Variants in NRXN3 observed in about 807,000 individuals in gnomAD.
NRXN3 encodes the protein neurexin 3, also known as neurexin III.
In NRXN3, 32 loss-of-function variants were observed where a neutral mutation model predicts 137.6. The ratio of observed to expected loss-of-function variants is 0.23; its 90% confidence interval spans 0.18 to 0.31. The LOEUF (loss-of-function observed/expected upper bound fraction) is 0.31, where lower values mean the gene tolerates loss of function less well. Ranked by LOEUF, NRXN3 falls within the 10% of genes least tolerant of loss-of-function variation. The pLI, the probability that NRXN3 is intolerant of heterozygous loss-of-function variation, is 1.00. For synonymous variants in NRXN3, 798 were observed against 784.5 expected (o/e 1.02, Z -0.29); for missense variants, 1,574 against 2,062.5 (o/e 0.76, Z 4.59).
intron 14 of NRXN3, among the ~76,000 whole-genome samples, chr14:78,975,360 G>C (rs933727704): frequency 2.0e-5 from 3 of 152,164 alleles, no homozygotes; most frequent in Non-Finnish European, 4.4e-5. Context: ...AACGATGGAA[G>C]CACATTCGAG....
intron 4 of NRXN3, among the ~76,000 whole-genome samples, chr14:78,625,143 G>T (rs541475470): frequency 1.3e-5 from 2 of 152,256 alleles, no homozygotes; most frequent in African/African-American, 2.4e-5. Flanking sequence ...CCTGGTCCCT[G>T]TTCCTTATCT....
chr14:79,459,487 T>G (rs2096299240), intron 15 of NRXN3, among the ~76,000 whole-genome samples: 1 of 151,976 alleles, frequency 6.6e-6, no homozygotes, highest in Non-Finnish European at 1.5e-5. Flanking sequence ...GAGAAGATGA[T>G]TGTCTACAAG....
At chr14:78,416,726 G>T (rs980682308) in intron 4 of NRXN3, among the ~76,000 whole-genome samples, 5 of 152,212 alleles carry the variant, frequency 3.3e-5, no homozygotes, top group African/African-American at 1.2e-4. Context: ...CATGGATCCA[G>T]GTGGGCACTG....
intron 15 of NRXN3, among the ~76,000 whole-genome samples, chr14:79,091,424 A>G (rs1342408630): frequency 6.6e-6 from 1 of 152,164 alleles, no homozygotes; most frequent in Non-Finnish European, 1.5e-5. Context: ...TAGAAGTTGC[A>G]TCTGGCTCAG....
intron 15 of NRXN3, among the ~76,000 whole-genome samples, chr14:79,232,750 G>A (rs1030920156): frequency 1.3e-5 from 2 of 152,102 alleles, no homozygotes; most frequent in African/African-American, 4.8e-5. Context: ...GATTACCCGC[G>A]ATGGTCAGGA....
At chr14:78,467,550 A>T (rs1396705505) in intron 4 of NRXN3, among the ~76,000 whole-genome samples, 1 of 152,210 alleles carries the variant, frequency 6.6e-6, no homozygotes, top group African/African-American at 2.4e-5. Context: ...ATGTTGACTC[A>T]GTCTTTCCCC....
chr14:78,400,842 CT>C lies in NRXN3; in HGVS notation c.757+102983del, dbSNP rs2091977502. 3.3e-5 allele frequency among the ~76,000 whole-genome samples: 5 copies of C among 152,204 alleles called. No individual in the cohort carries two copies. In the South Asian group the frequency reaches 8.3e-4, roughly 25 times the overall value. ...TTAATCCTCACCATTTCCCATTCTC[CT>C]CTGCACCCTCCCCCAATTTTTATGA... On this transcript the variant is annotated intron_variant, in intron 4 of 20. Coordinates refer to ENST00000335750, the MANE Select transcript of NRXN3 (RefSeq NM_001330195.2).
At chr14:79,150,565 A>T (rs1222387002) in intron 15 of NRXN3, among the ~76,000 whole-genome samples, 2 of 151,992 alleles carry the variant, frequency 1.3e-5, no homozygotes. Context: ...TTCCAGCTTT[A>T]GTTCACTTCT....
intron 4 of NRXN3, among the ~76,000 whole-genome samples, chr14:78,345,646 G>A (rs1464082190): frequency 2.6e-5 from 4 of 152,018 alleles, no homozygotes; most frequent in South Asian, 2.1e-4. Flanking sequence ...TCTCAGTCTC[G>A]ATGGATATAG....
At chr14:79,847,127 T>C (rs766290021) in intron 20 of NRXN3, among the ~76,000 whole-genome samples, 6 of 152,172 alleles carry the variant, frequency 3.9e-5, no homozygotes, top group Non-Finnish European at 7.4e-5. Flanking sequence ...CAATTACAAC[T>C]GAGGCCCGGG....
intron 1 of NRXN3, among the ~76,000 whole-genome samples, chr14:78,203,134 G>A (rs2153398249): frequency 6.6e-6 from 1 of 152,286 alleles, no homozygotes; most frequent in Non-Finnish European, 1.5e-5. Flanking sequence ...CCATAGAGAG[G>A]GCTTTCCCCT....
intron 1 of NRXN3, among the ~76,000 whole-genome samples, chr14:78,212,088 A>G (rs966832937): frequency 2.6e-5 from 4 of 152,182 alleles, no homozygotes; most frequent in Non-Finnish European, 5.9e-5. Flanking sequence ...GAGCACAACT[A>G]ACTAGATTAC....
intron 4 of NRXN3, among the ~76,000 whole-genome samples, chr14:78,607,846 TGA>T (rs1182011399): frequency 6.6e-6 from 1 of 152,112 alleles, no homozygotes; most frequent in Non-Finnish European, 1.5e-5. Context: ...AGCCCCTCAG[TGA>T]CATTTTTTGG....
intron 15 of NRXN3, among the ~76,000 whole-genome samples, chr14:79,011,087 C>A (rs2099570064): frequency 6.6e-6 from 1 of 151,078 alleles, no homozygotes; most frequent in African/African-American, 2.5e-5. Context: ...ACCCACACGT[C>A]TCTATTTACG....
At chr14:78,510,742 G>C (rs1160349731) in intron 4 of NRXN3, among the ~76,000 whole-genome samples, 2 of 152,080 alleles carry the variant, frequency 1.3e-5, no homozygotes, top group African/African-American at 2.4e-5. Flanking sequence ...GACCTATAAG[G>C]CTTGCTGACT....
chr14:78,222,129 G>A (rs2063915833), intron 1 of NRXN3, among the ~76,000 whole-genome samples: 1 of 152,176 alleles, frequency 6.6e-6, no homozygotes, highest in African/African-American at 2.4e-5. Flanking sequence ...CCAACACAGA[G>A]TGTTTGGCAG....
intron 4 of NRXN3, among the ~76,000 whole-genome samples, chr14:78,313,002 T>C (rs2078153500): frequency 6.6e-6 from 1 of 152,222 alleles, no homozygotes; most frequent in South Asian, 2.1e-4. Context: ...GTGCGCTGCA[T>C]CTCTGTTTTT....
At chr14:79,415,206 A>G (rs1476927615) in intron 15 of NRXN3, among the ~76,000 whole-genome samples, 3 of 152,146 alleles carry the variant, frequency 2.0e-5, no homozygotes, top group Non-Finnish European at 4.4e-5. Flanking sequence ...GAGTGCAGAT[A>G]TCTATTCAAG....
intron 1 of NRXN3, among the ~76,000 whole-genome samples, chr14:78,179,483 C>T (rs1032334780): frequency 6.6e-6 from 1 of 152,112 alleles, no homozygotes; most frequent in South Asian, 2.1e-4. Context: ...ATTGGATTGC[C>T]AGAGCTAAAT....
Sources: allele counts gnomAD v4.1 joint callset (sites outside exome capture counted in the v4.1 genomes callset), GRCh38; gene constraint gnomAD v4.1.1; transcripts MANE v1.5; gene names NCBI Gene and HGNC (gene_info 2026-07-23, HGNC 2026-07-21).